SKOR2: variants seen among roughly 807,000 people sequenced by gnomAD.
SKOR2 encodes the protein SKI family transcriptional corepressor 2, also known as LBX1 corepressor 1-like protein.
Under a neutral mutation model 69.1 loss-of-function variants are expected in SKOR2, and 47 were observed. That is an observed-to-expected ratio of 0.68 (90% CI 0.54 to 0.87). SKOR2 has a LOEUF of 0.87. Among genes scored for constraint, SKOR2 ranks in the 40% least tolerant of loss-of-function variants. The pLI is 0.00. For synonymous variants in SKOR2, 717 were observed against 672.6 expected (o/e 1.07, Z -1.02); for missense variants, 1,404 against 1,472.2 (o/e 0.95, Z 0.76).
chr18:47,219,862 G>C (rs140828276), intron 7 of SKOR2, 81 bp downstream of exon 7: 10 of 1,260,254 alleles, frequency 7.9e-6, no homozygotes, highest in African/African-American at 1.5e-5. Context: ...ATGCAAAAAC[G>C]TGAACAGTTT....
intron 4 of SKOR2, among the ~76,000 whole-genome samples, chr18:47,233,967 A>G (rs553661564): frequency 6.6e-6 from 1 of 152,320 alleles, no homozygotes; most frequent in African/African-American, 2.4e-5. Flanking sequence ...AACAATTTGC[A>G]TTGGCATCTA....
At chr18:47,211,605 A>G (rs1875333892) in intron 8 of SKOR2, among the ~76,000 whole-genome samples, 1 of 152,196 alleles carries the variant, frequency 6.6e-6, no homozygotes. Flanking sequence ...TAGGGAAAAG[A>G]TTAGTTACTA....
At chr18:47,245,048 AT>A (rs201348002) in intron 3 of SKOR2, 66 bp from the exon 4 acceptor site, 99,897 of 1,074,986 alleles carry the variant, frequency 0.093, 54 homozygotes, top group South Asian at 0.11. Flanking sequence ...CAAAGATCCA[AT>A]TTTTTTTTTT....
chr18:47,219,885 G>T (rs2064155779), intron 7 of SKOR2, 58 bp downstream of exon 7: 1 of 1,409,160 alleles, frequency 7.1e-7, no homozygotes, highest in Non-Finnish European at 9.7e-7. Flanking sequence ...TACATATTGG[G>T]TAGTCTGAAA....
intron 8 of SKOR2, among the ~76,000 whole-genome samples, chr18:47,210,288 C>T (rs114835801): frequency 4.7e-4 from 72 of 152,182 alleles, no homozygotes; most frequent in African/African-American, 1.4e-3. Context: ...GTGAGCTCAT[C>T]GTGAACATTT....
At chr18:47,242,523 A>G (rs1215638620) in intron 4 of SKOR2, among the ~76,000 whole-genome samples, 1 of 152,144 alleles carries the variant, frequency 6.6e-6, no homozygotes, top group Non-Finnish European at 1.5e-5. Context: ...ACATTAAATT[A>G]TCCCATAATT....
chr18:47,208,701 C>T (rs2064119643), intron 8 of SKOR2, among the ~76,000 whole-genome samples: 1 of 152,076 alleles, frequency 6.6e-6, no homozygotes, highest in African/African-American at 2.4e-5. Context: ...GTAAGGAAGG[C>T]CGTCGGGAAT....
intron 4 of SKOR2, among the ~76,000 whole-genome samples, chr18:47,238,732 G>T (rs1333298710): frequency 6.6e-6 from 1 of 152,232 alleles, no homozygotes; most frequent in African/African-American, 2.4e-5. Context: ...CAAGTGTCCA[G>T]ATGTTTCCAT....
At chr18:47,219,351 A>G (rs2064153935) in intron 7 of SKOR2, among the ~76,000 whole-genome samples, 1 of 152,046 alleles carries the variant, frequency 6.6e-6, no homozygotes, top group Admixed American at 6.6e-5. Context: ...GAAAGCAAAC[A>G]AAAACCCAAA....
At position 47,247,021 on chromosome 18, in the gene SKOR2, T is replaced by C. The variant is rs1568091040; in HGVS notation, c.2163A>G (p.Gly721=). The change falls in exon 2 of 9, where the codon GGA becomes GGG. Residue 721 remains glycine (G), a synonymous_variant. Coordinates refer to ENST00000425639, the MANE Select transcript of SKOR2 (RefSeq NM_001278063.4). The surrounding 1 kb of genome is among the most constrained non-coding windows in gnomAD (Gnocchi z 6.6). ...PHHRGLLSPG[G]TSCCYPSEDS... is the part of the protein sequence containing the mutation. ...CCTCGCTGGGGTAGCAGCAGCTGGT[T>C]CCCCCGGGAGACAGAAGGCCTCGGT... 6.9e-7 allele frequency: 1 copy of C among 1,445,814 alleles called. No individual in the cohort carries two copies. The highest frequency in any genetic ancestry group is 9.1e-7 in the Non-Finnish European group (1 of 1,101,718). 89.6% of individuals were successfully genotyped at this position (1,445,814 alleles called of 1,614,324 possible).
intron 1 of SKOR2, among the ~76,000 whole-genome samples, chr18:47,250,864 G>A (rs1466516400): frequency 1.3e-5 from 2 of 152,166 alleles, no homozygotes; most frequent in Non-Finnish European, 1.5e-5. Flanking sequence ...CACTAGCTTC[G>A]TCAGGTGGCC....
chr18:47,208,121 G>A (rs569523631), intron 8 of SKOR2, among the ~76,000 whole-genome samples: 11 of 152,312 alleles, frequency 7.2e-5, no homozygotes, highest in African/African-American at 2.6e-4. Context: ...ATTAAATGAT[G>A]TTACTCAAGA....
rs202063106 is a variant in SKOR2 at position 47,248,657 on chromosome 18, T to A, written c.527A>T (p.Tyr176Phe). The change falls in exon 2 of 9, where the codon TAC becomes TTC. Residue 176 changes from tyrosine to phenylalanine, a missense_variant. Tyr to Phe is a conservative substitution (Grantham distance 22). This residue lies in a region of SKOR2 where 1,266 missense variants were observed against 1,309.9 expected (regional missense o/e 0.97). Transcript: ENST00000425639. This position sits in a 1 kb window ranked among gnomAD's most constrained non-coding sequence, Gnocchi z 6.4. Reference protein sequence around the residue: ...SSRAKCIKCSYCNMYFSPNKF... With the variant: ...SSRAKCIKCSFCNMYFSPNKF... ...GTTGGGCGAGAAGTACATGTTGCAG[T>A]AGCTGCATTTGATGCACTTGGCGCG... is the stretch of plus-strand genomic sequence containing the variant. 2 of 1,566,534 alleles carry A rather than the reference T, an allele frequency of 1.3e-6. No homozygotes were observed. Among genetic ancestry groups the A allele is most frequent in the Middle Eastern group, 1.7e-4 (1 of 6,024 alleles).
Position 47,246,654 on chromosome 18 carries a change from G to C in SKOR2, c.2530C>G (p.Gln844Glu). ...CTGCTGCCGCCGCCACTCGCCTTCTGGGGGGCCAGGGGCGGCGGCGGGGGC... is the reference window on the plus strand; with the variant it reads ...CTGCTGCCGCCGCCACTCGCCTTCTCGGGGGCCAGGGGCGGCGGCGGGGGC... Reference protein sequence around the residue: ...PPPPPPPLAPQKASGGGSSSP... With the variant: ...PPPPPPPLAPEKASGGGSSSP... Residue 844 changes from glutamine to glutamate, a missense_variant, in exon 2 of 9, where the codon CAG (glutamine) becomes GAG (glutamate). Transcript: ENST00000425639. 15 of 1,507,466 alleles carry C rather than the reference G, an allele frequency of 1.0e-5. No homozygotes were observed. Among genetic ancestry groups the C allele is most frequent in the Non-Finnish European group, 1.3e-5 (15 of 1,136,344 alleles). 93.4% of individuals were successfully genotyped at this position (1,507,466 alleles called of 1,614,324 possible).
chr18:47,241,317 A>C (rs2064247634), intron 4 of SKOR2, among the ~76,000 whole-genome samples: 1 of 152,222 alleles, frequency 6.6e-6, no homozygotes, highest in South Asian at 2.1e-4. Context: ...TTTGGCTGCT[A>C]CCACTCCAAA....
intron 7 of SKOR2, among the ~76,000 whole-genome samples, chr18:47,214,789 A>T (rs72911226): frequency 0.012 from 1,832 of 152,274 alleles, 21 homozygotes; most frequent in Non-Finnish European, 0.019. Context: ...AATTCTCCCC[A>T]ACTTGGAAGC....
Position 47,234,864 on chromosome 18 carries a change from GAA to G in SKOR2, c.2753-3866_2753-3865del, listed in dbSNP as rs769601681. ...TGACAGAGCAAAACTCCATCTCAGG[GAA>G]AAAAAAAAAGAGAGGGGGTGGGGGG... is the stretch of plus-strand genomic sequence containing the variant. On this transcript the variant is annotated intron_variant, in intron 4 of 8. Coordinates refer to ENST00000425639, the MANE Select transcript of SKOR2 (RefSeq NM_001278063.4). Among the ~76,000 whole-genome samples, 20 of 109,086 alleles carry G rather than the reference GAA, an allele frequency of 1.8e-4. 3 individuals carry two copies. In the South Asian group the frequency reaches 7.2e-3, roughly 39 times the overall value. 71.6% of individuals were successfully genotyped at this position (109,086 alleles called of 152,430 possible).
intron 4 of SKOR2, among the ~76,000 whole-genome samples, chr18:47,240,067 T>C (rs554697160): frequency 3.7e-4 from 56 of 152,324 alleles, no homozygotes; most frequent in African/African-American, 1.3e-3. Context: ...GAAGTGTAAT[T>C]GCTTCTTACT....
chr18:47,225,072 C>T (rs939005913), intron 6 of SKOR2, among the ~76,000 whole-genome samples: 8 of 152,056 alleles, frequency 5.3e-5, no homozygotes, highest in Admixed American at 5.2e-4. Flanking sequence ...AGGAAGGGAA[C>T]CACTGAACAT....
Sources: gnomAD v4.1 joint callset for allele counts (sites outside exome capture counted in the v4.1 genomes callset) on GRCh38, gnomAD v4.1.1 for gene constraint, gnomAD v4.1.1 regional missense constraint, Gnocchi (gnomAD v3.1) non-coding constraint, MANE v1.5 for transcripts, NCBI Gene and HGNC (gene_info 2026-07-23, HGNC 2026-07-21) for gene names.